RHCE: variants seen among roughly 807,000 people sequenced by gnomAD.
The protein encoded by RHCE is Rh blood group CcEe antigens, also known as blood group Rh(CE) polypeptide.
RHCE carries 22 observed loss-of-function variants against 43.8 expected under a neutral mutation model. The observed-to-expected ratio is 0.50, with a 90% CI of 0.36 to 0.72. RHCE has a LOEUF of 0.72. Among genes scored for constraint, RHCE ranks in the 30% least tolerant of loss-of-function variants. The probability of loss-of-function intolerance (pLI) is 0.00; values close to 1 mark genes in which losing one functional copy is unlikely to be tolerated. For missense variants in RHCE, 385 were observed against 525.4 expected (o/e 0.73, Z 2.61); for synonymous variants, 156 against 210.7 (o/e 0.74, Z 2.25).
intron 3 of RHCE, 33 bp from the exon 4 acceptor site, chr1:25,392,174 C>A: frequency 1.7e-5 from 28 of 1,613,856 alleles, no homozygotes; most frequent in Non-Finnish European, 2.4e-5. Flanking sequence ...CAGTGAGTGT[C>A]GGCATCCTCT....
chr1:25,381,047 G>A (rs538518637), intron 7 of RHCE, among the ~76,000 whole-genome samples: 9 of 151,808 alleles, frequency 5.9e-5, no homozygotes, highest in Non-Finnish European at 1.2e-4. Flanking sequence ...GACTACAGGC[G>A]CCCACCACCA....
rs770791604 is a variant in RHCE at position 25,379,495 on chromosome 1, A to AT, written c.1074-4068dup. ...TATATATATATATATATATATATAT[A>AT]TTTTTTTTTTTTTTTTTTTTTTTTT... is the stretch of plus-strand genomic sequence containing the variant. On this transcript the variant is annotated intron_variant, in intron 7 of 9. Coordinates refer to ENST00000294413, the MANE Select transcript of RHCE (RefSeq NM_020485.8). Among the ~76,000 whole-genome samples the AT allele has an allele frequency of 2.0e-3, 54 of 27,068 alleles. 1 individual carries two copies. Among genetic ancestry groups the AT allele is most frequent in the Middle Eastern group, 0.038 (1 of 26 alleles). The allele number at this position is 27,068 out of a possible 152,430, so 17.8% of individuals were successfully genotyped here.
chr1:25,423,576 G>T (rs1473521315), upstream of RHCE, among the ~76,000 whole-genome samples: 4 of 152,206 alleles, frequency 2.6e-5, no homozygotes, highest in African/African-American at 7.2e-5. Flanking sequence ...ATTAAAAAAG[G>T]GAGGTATCCC....
rs563735282 is a variant in RHCE, at chr1:25,370,381, T to C, written c.1227+86A>G. 12 of 1,190,966 alleles carry C rather than the reference T, an allele frequency of 1.0e-5. No individual in the cohort carries two copies. The African/African-American group carries it at 1.7e-4, about 17-fold the overall frequency. 73.8% of individuals were successfully genotyped at this position (1,190,966 alleles called of 1,614,324 possible). ...TCCATTTTTGTTTTTGTTTTACTCA[T>C]AAACAGCAAGTCAACATATATACCC... On this transcript the variant is annotated intron_variant, in intron 9 of 9. Transcript: ENST00000294413.
rs1266108294 is a variant in RHCE, at chr1:25,406,903, G to C, written c.335+1780C>G. ...ACCTCCCAAAGTGCTGGGATTACAG[G>C]CATGAGCCACCGCGCCCGGCCCCTA... On this transcript the variant is annotated intron_variant, in intron 2 of 9. Coordinates refer to ENST00000294413, the MANE Select transcript of RHCE (RefSeq NM_020485.8). 1.7e-5 allele frequency among the ~76,000 whole-genome samples: 2 copies of C among 120,754 alleles called. 1 individual carries two copies. The highest frequency in any genetic ancestry group is 8.5e-4 in the East Asian group (2 of 2,366). The allele number at this position is 120,754 out of a possible 152,430, so 79.2% of individuals were successfully genotyped here.
rs1011918755 is a variant in RHCE, at chr1:25,370,266, T to C, written c.1227+201A>G. 9.9e-5 allele frequency among the ~76,000 whole-genome samples: 15 copies of C among 151,582 alleles called. 1 individual carries two copies. Among genetic ancestry groups the C allele is most frequent in the Non-Finnish European group, 1.6e-4 (11 of 68,030 alleles). On this transcript the variant is annotated intron_variant, in intron 9 of 9. Coordinates refer to ENST00000294413, the MANE Select transcript of RHCE (RefSeq NM_020485.8). ...TGAATTTGAGGTATCAGGGAAATGG[T>C]GACCTTTACCACCTCCCCGCCACCC...
At chr1:25,391,810 A>T (rs1249722022) in intron 4 of RHCE, among the ~76,000 whole-genome samples, 184 bp downstream of exon 4, 1 of 152,162 alleles carries the variant, frequency 6.6e-6, no homozygotes, top group Non-Finnish European at 1.5e-5. Context: ...GAGGTCCCTA[A>T]AAGGAAGTGC....
At chr1:25,370,961 G>A (rs1220347417) in intron 8 of RHCE, among the ~76,000 whole-genome samples, 1 of 146,282 alleles carries the variant, frequency 6.8e-6, no homozygotes, top group African/African-American at 2.6e-5. Flanking sequence ...TCACCATGTT[G>A]GCCAGGCTGG....
chr1:25,383,301 T>C (rs943804210), intron 7 of RHCE, among the ~76,000 whole-genome samples: 4 of 152,204 alleles, frequency 2.6e-5, no homozygotes, highest in Admixed American at 2.6e-4. Context: ...TTGGGAAATA[T>C]TGTTTGTGGA....
chr1:25,386,210 C>G (rs1426253767), intron 6 of RHCE, among the ~76,000 whole-genome samples: 1 of 152,206 alleles, frequency 6.6e-6, no homozygotes, highest in Non-Finnish European at 1.5e-5. Flanking sequence ...GGATGTTAAG[C>G]ATCATTCCTG....
At chr1:25,426,016 T>C (rs1180513909) in intron 2 of RHCE, among the ~76,000 whole-genome samples, 1 of 152,252 alleles carries the variant, frequency 6.6e-6, no homozygotes, top group Non-Finnish European at 1.5e-5. Flanking sequence ...AAACAGTCAG[T>C]GTCTCTGTGC....
intron 2 of RHCE, among the ~76,000 whole-genome samples, chr1:25,428,187 C>T (rs1219143261): frequency 1.3e-5 from 2 of 152,230 alleles, no homozygotes; most frequent in Non-Finnish European, 2.9e-5. Context: ...CTCATCTTTT[C>T]TTTGGCTTAC....
intron 1 of RHCE, among the ~76,000 whole-genome samples, chr1:25,418,756 G>C (rs1426232712): frequency 6.6e-6 from 1 of 152,186 alleles, no homozygotes; most frequent in Non-Finnish European, 1.5e-5. Flanking sequence ...TCAAGAGCTG[G>C]CTGGGCAGGC....
intron 1 of RHCE, among the ~76,000 whole-genome samples, chr1:25,416,861 T>C (rs1647545531): frequency 6.7e-6 from 1 of 149,124 alleles, no homozygotes; most frequent in Non-Finnish European, 1.5e-5. Context: ...GTCTTGAACT[T>C]CTTGGTTTAA....
upstream of RHCE, among the ~76,000 whole-genome samples, chr1:25,423,394 G>A (rs1344121449): frequency 6.6e-6 from 1 of 152,168 alleles, no homozygotes; most frequent in Non-Finnish European, 1.5e-5. Flanking sequence ...TCCAGGCAAT[G>A]CCAACCCCTA....
chr1:25,412,715 TAAAA>T (rs1165784820), intron 1 of RHCE, among the ~76,000 whole-genome samples: 4 of 116,588 alleles, frequency 3.4e-5, no homozygotes, highest in African/African-American at 1.3e-4. Context: ...ACCCTTTTTT[TAAAA>T]AAAAAAAAAA....
chr1:25,390,530 C>A (rs674370), intron 5 of RHCE, among the ~76,000 whole-genome samples: 182 of 150,092 alleles, frequency 1.2e-3, no homozygotes, highest in Non-Finnish European at 1.7e-3. Flanking sequence ...TTTAATCACT[C>A]CCCCCAGAAA....
At chr1:25,404,711 T>TG (rs776420370) in intron 2 of RHCE, among the ~76,000 whole-genome samples, 26 of 152,000 alleles carry the variant, frequency 1.7e-4, no homozygotes, top group Non-Finnish European at 3.2e-4. Flanking sequence ...TTTCTGGCTG[T>TG]GTGATCCTGG....
chr1:25,362,422 A>G lies in RHCE; in HGVS notation c.*105T>C, dbSNP rs753441585. On this transcript the variant is annotated 3_prime_UTR_variant, in exon 10 of 10. Transcript: ENST00000294413. ...CTCTGACCTTGTTTCATTATACATA[A>G]GGAGACTTTGCTGTCATGAGCGTTT... is the stretch of plus-strand genomic sequence containing the variant. The G allele has an allele frequency of 6.8e-6, 11 of 1,613,832 alleles. No homozygotes were observed. The highest frequency in any genetic ancestry group is 9.3e-6 in the Non-Finnish European group (11 of 1,179,830).
Sources: allele counts gnomAD v4.1 joint callset (sites outside exome capture counted in the v4.1 genomes callset), GRCh38; gene constraint gnomAD v4.1.1; transcripts MANE v1.5; gene names NCBI Gene and HGNC (gene_info 2026-07-23, HGNC 2026-07-21).